TBC1D10C: variants seen among roughly 807,000 people sequenced by gnomAD.
TBC1D10C encodes TBC1 domain family member 10C, also known as carabin.
In TBC1D10C, 49 loss-of-function variants were observed where a neutral mutation model predicts 51.0. The observed-to-expected ratio is 0.96, with a 90% CI of 0.76 to 1.22. The LOEUF is 1.22. Ranked by LOEUF, TBC1D10C falls within the 50% of genes most tolerant of loss-of-function variation. TBC1D10C has a pLI of 0.00. For missense variants in TBC1D10C, 541 were observed against 617.5 expected, an observed-to-expected ratio of 0.88 and a Z score of 1.31; for synonymous variants, 281 against 266.7, an observed-to-expected ratio of 1.05 and a Z score of -0.52.
In TBC1D10C at chr11:67,409,781, G is replaced by A. The variant is rs774557875; in HGVS notation, c.*27G>A. 1.3e-6 allele frequency: 2 copies of A among 1,532,310 alleles called. No individual in the cohort carries two copies. Among genetic ancestry groups the A allele is most frequent in the East Asian group, 2.2e-5 (1 of 44,446 alleles). The allele number at this position is 1,532,310 out of a possible 1,614,324, so 94.9% of individuals were successfully genotyped here. ...AGGACCATGGACTTAGTGTCCCCCA[G>A]TCTCAATTGCCTGATGGCTGATGCC... On this transcript the variant is annotated 3_prime_UTR_variant, in exon 9 of 9. Transcript: ENST00000542590.
rs1024697032 is a variant in TBC1D10C, at chr11:67,405,754, C to T, written c.467+53C>T. ...CCCAGCCCCACAAGCCCCAGGTGCT[C>T]CAGCCCACTTTCCCTAGCCCAGCTC... is the stretch of plus-strand genomic sequence containing the variant. On this transcript the variant is annotated intron_variant, in intron 4 of 8. Transcript: ENST00000542590. 1.9e-6 allele frequency: 3 copies of T among 1,600,790 alleles called. No homozygotes were observed. The African/African-American group carries it at 4.0e-5, about 21-fold the overall frequency.
Position 67,406,520 on chromosome 11 carries a change from T to C in TBC1D10C, c.583-107T>C, listed in dbSNP as rs575132406. ...AGGAGTGGCCCTGAGTGCAGGCCCC[T>C]GTGGTGCCCAGGCCCTCCCCTTCAC... On this transcript the variant is annotated intron_variant, in intron 5 of 8. Coordinates refer to ENST00000542590, the MANE Select transcript of TBC1D10C (RefSeq NM_001369496.1). 9 of 1,019,970 alleles carry C rather than the reference T, an allele frequency of 8.8e-6. No individual in the cohort carries two copies. The South Asian group carries it at 1.3e-4, about 15-fold the overall frequency. The allele number at this position is 1,019,970 out of a possible 1,614,324, so 63.2% of individuals were successfully genotyped here. A position where few individuals can be genotyped will look rare whatever the true frequency, so the allele number is the denominator to read the frequency against.
At chr11:67,406,435 G>A in intron 5 of TBC1D10C, 192 bp from the exon 6 acceptor site, 1 of 605,802 alleles carries the variant, frequency 1.7e-6, no homozygotes. Flanking sequence ...CCCCTCAGCA[G>A]ACCCTGTCTT....
At chr11:67,407,181 G>C in intron 7 of TBC1D10C, 165 bp downstream of exon 7, 1 of 854,684 alleles carries the variant, frequency 1.2e-6, no homozygotes, top group Non-Finnish European at 1.8e-6. Context: ...CATCACCCAG[G>C]CACCGCCTGG....
chr11:67,404,878 G>A, intron 1 of TBC1D10C: 3 of 563,744 alleles, frequency 5.3e-6, no homozygotes, highest in South Asian at 4.5e-5. Flanking sequence ...CACCCCTTCA[G>A]TCTCCTGCTT....
rs776470617 is a variant in TBC1D10C, at chr11:67,404,316, C to T, written c.114C>T (p.Asp38=). ...LSGPGPYRQA[D]RYGFIGGSSA... ...GGCCTGGCCCATATCGCCAGGCCGA[C>T]CGCTATGGATTCATTGGGGGCAGCT... Residue 38 remains aspartate (D), a synonymous_variant, in exon 1 of 9, where the codon GAC becomes GAT. Coordinates refer to ENST00000542590, the MANE Select transcript of TBC1D10C (RefSeq NM_001369496.1). The T allele has an allele frequency of 2.5e-6, 4 of 1,598,466 alleles. No individual in the cohort carries two copies. The highest frequency in any genetic ancestry group is 3.4e-6 in the Non-Finnish European group (4 of 1,169,238).
rs750858467 is a variant in TBC1D10C, at chr11:67,409,742, C to T, written c.1329C>T (p.Asp443=). The T allele has an allele frequency of 5.7e-6, 9 of 1,585,346 alleles. No individual in the cohort carries two copies. Among genetic ancestry groups the T allele is most frequent in the Non-Finnish European group, 6.8e-6 (8 of 1,175,698 alleles). ...AACGAGGCTCCACCTCCTTCCTGGA[C>T]ACCCGCTTCTGAGAGGACCATGGAC... The part of the protein sequence containing the change: ...RPQRGSTSFL[D]TRF The change falls in exon 9 of 9, where the codon GAC becomes GAT. Residue 443 remains aspartate (D), a synonymous_variant. Transcript: ENST00000542590.
At chr11:67,405,264 A>G in intron 2 of TBC1D10C, 80 bp downstream of exon 2, 1 of 1,506,236 alleles carries the variant, frequency 6.6e-7, no homozygotes, top group Non-Finnish European at 9.0e-7. Flanking sequence ...AAATGTACCC[A>G]CCCTGTGTCC....
rs184375313 is a variant in TBC1D10C, at chr11:67,405,522, G to A, written c.360+16G>A. 150 of 1,613,650 alleles carry A rather than the reference G, an allele frequency of 9.3e-5. No individual in the cohort carries two copies. In the Admixed American group the frequency reaches 1.3e-3, roughly 14 times the overall value. Reference sequence around the variant, plus strand: ...CACCTATCAGGTGAGGGAGTGGGCAGGGGCCCCAATTCCCCTACCCAGAGC... The same window carrying A: ...CACCTATCAGGTGAGGGAGTGGGCAAGGGCCCCAATTCCCCTACCCAGAGC... On this transcript the variant is annotated intron_variant, in intron 3 of 8. Coordinates refer to ENST00000542590, the MANE Select transcript of TBC1D10C (RefSeq NM_001369496.1).
In TBC1D10C at chr11:67,406,660, G is replaced by T; in HGVS notation, c.616G>T (p.Val206Phe). The T allele has an allele frequency of 6.3e-7, 1 of 1,577,138 alleles. No individual in the cohort carries two copies. The highest frequency in any genetic ancestry group is 8.6e-7 in the Non-Finnish European group (1 of 1,160,832). The change falls in exon 6 of 9, where the codon GTC (valine) becomes TTC (phenylalanine). Residue 206 changes from valine to phenylalanine, a missense_variant. Val to Phe is a conservative substitution (Grantham distance 50). Coordinates refer to ENST00000542590, the MANE Select transcript of TBC1D10C (RefSeq NM_001369496.1). ...CTGGTGCCTGGTGCAGATCTGTGAG[G>T]TCTACCTCCCTGGGTACTACGGGCC... Reference protein sequence around the residue: ...AFWCLVQICEVYLPGYYGPHM... With the variant: ...AFWCLVQICEFYLPGYYGPHM...
At chr11:67,405,336 G>T (rs1863105403) in intron 2 of TBC1D10C, 63 bp from the exon 3 acceptor site, 2 of 1,566,202 alleles carry the variant, frequency 1.3e-6, no homozygotes, top group African/African-American at 1.4e-5. Flanking sequence ...GATGAGCTGT[G>T]CCTGGGGCCT....
rs1863360548 is a variant in TBC1D10C, at chr11:67,409,597, T to C, written c.1184T>C (p.Val395Ala). ...RGAKPEVPRI[V>A]VQPPEEPRPP... ...GCCAAGCCTGAGGTGCCTCGGATTG[T>C]GGTGCAGCCCCCGGAGGAGCCCAGA... The change falls in exon 9 of 9, where the codon GTG (valine) becomes GCG (alanine). Residue 395 changes from valine (V) to alanine (A), a missense_variant. Transcript: ENST00000542590. 6.4e-7 allele frequency: 1 copy of C among 1,550,616 alleles called. No individual in the cohort carries two copies. Among genetic ancestry groups the C allele is most frequent in the South Asian group, 1.2e-5 (1 of 84,344 alleles).
Position 67,405,939 on chromosome 11 carries a change from C to T in TBC1D10C, c.504C>T (p.Thr168=). 1 of 1,604,994 alleles carries T rather than the reference C, an allele frequency of 6.2e-7. No individual in the cohort carries two copies. Among genetic ancestry groups the T allele is most frequent in the Non-Finnish European group, 8.5e-7 (1 of 1,176,522 alleles). The change falls in exon 5 of 9, where the codon ACC becomes ACT. Residue 168 remains threonine, a synonymous_variant. Coordinates refer to ENST00000542590, the MANE Select transcript of TBC1D10C (RefSeq NM_001369496.1). The stretch of plus-strand genomic sequence containing the variant: ...TCCTGCAGGTGCTCAAGGCCTACAC[C>T]CTGTATCGACCGGAGCAGGGCTACT... ...QGLLQVLKAY[T]LYRPEQGYCQ...
intron 1 of TBC1D10C, 34 bp downstream of exon 1, chr11:67,404,388 G>A (rs984936814): frequency 6.5e-7 from 1 of 1,538,754 alleles, no homozygotes. Flanking sequence ...GCGGAATGCT[G>A]GGACAGAGGA....
chr11:67,404,001 T>G, upstream of TBC1D10C: 1 of 530,088 alleles, frequency 1.9e-6, no homozygotes, highest in Non-Finnish European at 3.0e-6. Context: ...TGGGGCTGGG[T>G]CTCCGGACAG....
chr11:67,408,672 A>G (rs1863298874), intron 7 of TBC1D10C: 1 of 302,372 alleles, frequency 3.3e-6, no homozygotes, highest in Admixed American at 5.4e-5. Flanking sequence ...CTGGCTCCAG[A>G]TATGGATGGC....
rs1252451573 is a variant in TBC1D10C at position 67,404,157 on chromosome 11, G to A, written c.-46G>A. The stretch of plus-strand genomic sequence containing the variant: ...TGGCCGGGAGTGGCCCCTCACACTG[G>A]TTCTCCCCACTTTCTCTGCCTGTGG... On this transcript the variant is annotated 5_prime_UTR_variant, in exon 1 of 9. Transcript: ENST00000542590. 4 of 1,445,358 alleles carry A rather than the reference G, an allele frequency of 2.8e-6. No homozygotes were observed. The African/African-American group carries it at 4.4e-5, about 16-fold the overall frequency. 89.5% of individuals were successfully genotyped at this position (1,445,358 alleles called of 1,614,324 possible).
Position 67,405,947 on chromosome 11 carries a change from G to A in TBC1D10C, c.512G>A (p.Arg171Gln), listed in dbSNP as rs767406445. The change falls in exon 5 of 9, where the codon CGA (arginine) becomes CAA (glutamine). Residue 171 changes from arginine to glutamine, a missense_variant. Physicochemically the swap from Arg to Gln is conservative, Grantham distance 43. Transcript: ENST00000542590. ...GTGCTCAAGGCCTACACCCTGTATCGACCGGAGCAGGGCTACTGCCAGGCC... is the reference window on the plus strand; with the variant it reads ...GTGCTCAAGGCCTACACCCTGTATCAACCGGAGCAGGGCTACTGCCAGGCC... ...LQVLKAYTLY[R>Q]PEQGYCQAQG... 56 of 1,605,796 alleles carry A rather than the reference G, an allele frequency of 3.5e-5. No individual in the cohort carries two copies. The highest frequency in any genetic ancestry group is 1.3e-4 in the South Asian group (12 of 89,832).
At chr11:67,407,300 C>A in intron 7 of TBC1D10C, 1 of 390,874 alleles carries the variant, frequency 2.6e-6, no homozygotes, top group Non-Finnish European at 4.6e-6. Context: ...GGCGTTCCTC[C>A]CCAGAGCCCG....
Sources: gnomAD v4.1 joint callset for allele counts on GRCh38, gnomAD v4.1.1 for gene constraint, MANE v1.5 for transcripts, NCBI Gene and HGNC (gene_info 2026-07-23, HGNC 2026-07-21) for gene names.